HTT: variants seen among roughly 807,000 people sequenced by gnomAD.
HTT encodes the protein huntington disease protein.
A neutral mutation model predicts 362.3 loss-of-function variants in HTT; 104 were observed. The observed-to-expected ratio is 0.29, with a 90% CI of 0.24 to 0.34. HTT has a LOEUF of 0.34. Ranked by LOEUF, HTT falls within the 10% of genes least tolerant of loss-of-function variation. HTT has a pLI of 1.00. For synonymous variants in HTT, 1,577 were observed against 1,548.7 expected, an observed-to-expected ratio of 1.02 and a Z score of -0.43; for missense variants, 3,301 against 3,928.6, an observed-to-expected ratio of 0.84 and a Z score of 4.27.
intron 41 of HTT, among the ~76,000 whole-genome samples, chr4:3,201,700 C>T (rs1255685254): frequency 6.6e-6 from 1 of 152,020 alleles, no homozygotes; most frequent in Admixed American, 6.6e-5. Flanking sequence ...AAATAAATCC[C>T]CATAAGTGTC....
rs761776008 is a variant in HTT at position 3,131,669 on chromosome 4, C to T, written c.2130C>T (p.Ser710=). The T allele has an allele frequency of 1.7e-5, 27 of 1,613,736 alleles. No individual in the cohort carries two copies. In the Admixed American group the frequency reaches 2.8e-4, roughly 17 times the overall value. The change falls in exon 16 of 67, where the codon AGC becomes AGT. Residue 710 remains serine (S), a synonymous_variant. Transcript: ENST00000355072. ...VLVPDRDVRV[S]VKALALSCVG... is the part of the protein sequence containing the mutation. ...TTCCGGACAGGGATGTGAGGGTCAG[C>T]GTGAAGGCCCTGGCCCTCAGCTGTG...
intron 35 of HTT, among the ~76,000 whole-genome samples, chr4:3,180,083 T>G (rs554128868): frequency 4.9e-4 from 75 of 152,154 alleles, no homozygotes; most frequent in Non-Finnish European, 1.0e-3. Context: ...TGAGTTTACT[T>G]AAAAAAGCAT....
chr4:3,173,421 A>G (rs1363806822), intron 31 of HTT, among the ~76,000 whole-genome samples: 10 of 152,164 alleles, frequency 6.6e-5, no homozygotes, highest in Admixed American at 5.2e-4. Flanking sequence ...GCCAGCTCTC[A>G]TTGCCAAAGT....
chr4:3,120,606 A>G (rs1252223719), intron 8 of HTT, among the ~76,000 whole-genome samples: 1 of 152,202 alleles, frequency 6.6e-6, no homozygotes, highest in Non-Finnish European at 1.5e-5. Context: ...AGATTCCCAT[A>G]GGAGTGCAAA....
intron 3 of HTT, among the ~76,000 whole-genome samples, chr4:3,102,082 T>C (rs1445689373): frequency 6.6e-6 from 1 of 151,410 alleles, no homozygotes; most frequent in Non-Finnish European, 1.5e-5. Flanking sequence ...GTCAGGGGAG[T>C]GTATCATTTA....
intron 47 of HTT, among the ~76,000 whole-genome samples, chr4:3,211,029 A>G (rs1481433111): frequency 6.6e-6 from 1 of 150,980 alleles, no homozygotes. Context: ...CAGCCTCCCA[A>G]ATAGCTGGTA....
Position 3,074,878 on chromosome 4 carries a change from A to AGCAGCAGCC in HTT, c.61_62insCGCAGCAGC (p.Gln20_Gln21insProGlnGln). The AGCAGCAGCC allele has an allele frequency of 3.4e-6, 1 of 292,624 alleles. No homozygotes were observed. Among genetic ancestry groups the AGCAGCAGCC allele is most frequent in the Non-Finnish European group, 4.5e-6 (1 of 224,098 alleles). The allele number at this position is 292,624 out of a possible 1,614,324, so 18.1% of individuals were successfully genotyped here. A position where few individuals can be genotyped will look rare whatever the true frequency, so the allele number is the denominator to read the frequency against. ...GCCTTCGAGTCCCTCAAGTCCTTCC[A>AGCAGCAGCC]GCAGCAGCAGCAGCAGCAGCAGCAG... On this transcript the variant is annotated inframe_insertion, in exon 1 of 67. Transcript: ENST00000355072.
At chr4:3,189,142 C>T in intron 40 of HTT, 49 bp downstream of exon 40, 4 of 1,579,776 alleles carry the variant, frequency 2.5e-6, no homozygotes, top group East Asian at 2.2e-5. Flanking sequence ...CCCCATTCTG[C>T]ACTATACACT....
intron 63 of HTT, among the ~76,000 whole-genome samples, 182 bp downstream of exon 63, chr4:3,235,960 A>C (rs1312636086): frequency 6.6e-6 from 1 of 152,192 alleles, no homozygotes. Flanking sequence ...GTACCTGGTC[A>C]GGGTTGACCG....
intron 39 of HTT, chr4:3,188,614 C>G: frequency 5.0e-6 from 1 of 200,728 alleles, no homozygotes; most frequent in Admixed American, 5.8e-5. Flanking sequence ...AGCAGGCAGC[C>G]CATGGCTTTC....
chr4:3,187,441 C>T (rs964781376), intron 38 of HTT, among the ~76,000 whole-genome samples: 1 of 152,188 alleles, frequency 6.6e-6, no homozygotes, highest in African/African-American at 2.4e-5. Context: ...AGGTGGCTCT[C>T]GCACCAAGCC....
Position 3,148,006 on chromosome 4 carries a change from C to T in HTT, c.3297C>T (p.Ala1099=), listed in dbSNP as rs748617301. Residue 1099 remains alanine, a splice_region_variant and synonymous_variant, in exon 26 of 67, where the codon GCC becomes GCT. Transcript: ENST00000355072. ...GTAATGTCTGTGCCCATATCACAGC[C>T]AGTGCTCCCAAATCTCTGAGAAGTT... The part of the protein sequence containing the change: ...ALILAGNLLA[A]SAPKSLRSSW... 5.6e-6 allele frequency: 9 copies of T among 1,610,878 alleles called. No homozygotes were observed. The East Asian group carries it at 1.8e-4, about 32-fold the overall frequency.
intron 21 of HTT, among the ~76,000 whole-genome samples, chr4:3,137,172 C>G (rs1361215129): frequency 3.3e-5 from 5 of 151,966 alleles, no homozygotes; most frequent in Non-Finnish European, 7.4e-5. Context: ...TCCCAAAGTG[C>G]TGGGATTACA....
chr4:3,135,134 A>G (rs1004192998), intron 19 of HTT, among the ~76,000 whole-genome samples: 2 of 152,060 alleles, frequency 1.3e-5, no homozygotes, highest in Non-Finnish European at 2.9e-5. Flanking sequence ...TCTTTGTCTT[A>G]AACTTTTAAA....
chr4:3,205,690 A>AAT lies in HTT; in HGVS notation c.5719-805_5719-804insTA. On this transcript the variant is annotated intron_variant, in intron 42 of 66. Coordinates refer to ENST00000355072, the MANE Select transcript of HTT (RefSeq NM_001388492.1). Reference sequence around the variant, plus strand: ...TCAGATTTTCGGATTTAGGGAGCTCAACAAATAAGTATAATGCACATATTT... The same window carrying AAT: ...TCAGATTTTCGGATTTAGGGAGCTCAATACAAATAAGTATAATGCACATATTT... Among the ~76,000 whole-genome samples the AAT allele has an allele frequency of 3.3e-5, 5 of 152,332 alleles. 1 individual carries two copies. The East Asian group carries it at 9.6e-4, about 29-fold the overall frequency.
intron 26 of HTT, among the ~76,000 whole-genome samples, chr4:3,153,933 G>A (rs1221266588): frequency 6.6e-6 from 1 of 152,060 alleles, no homozygotes; most frequent in African/African-American, 2.4e-5. Flanking sequence ...AAAAAAAAAT[G>A]CTGCTTTGTA....
chr4:3,176,021 G>GT (rs1560580460), intron 33 of HTT, among the ~76,000 whole-genome samples: 5 of 132,832 alleles, frequency 3.8e-5, no homozygotes, highest in African/African-American at 1.7e-4. Flanking sequence ...TGTTGTTGTT[G>GT]TTTGTTTTTT....
intron 25 of HTT, 109 bp downstream of exon 25, chr4:3,147,057 G>A: frequency 1.9e-6 from 2 of 1,051,694 alleles, no homozygotes; most frequent in Non-Finnish European, 2.9e-6. Flanking sequence ...GTCATTGCCA[G>A]TGATGGCTTG....
chr4:3,239,909 G>T lies in HTT; in HGVS notation c.9279G>T (p.Leu3093=), dbSNP rs1721726113. ...LEQVDVNLFC[L]VATDFYRHQI... ...AGGTGGACGTGAACCTTTTCTGCCT[G>T]GTCGCCACAGACTTCTACAGACACC... The change falls in exon 67 of 67, where the codon CTG becomes CTT. Residue 3093 remains leucine, a synonymous_variant. Transcript: ENST00000355072. The T allele has an allele frequency of 6.3e-7, 1 of 1,574,846 alleles. No homozygotes were observed. Among genetic ancestry groups the T allele is most frequent in the East Asian group, 2.3e-5 (1 of 43,466 alleles).
Sources: gnomAD v4.1 joint callset for allele counts (sites outside exome capture counted in the v4.1 genomes callset) on GRCh38, gnomAD v4.1.1 for gene constraint, MANE v1.5 for transcripts, NCBI Gene and HGNC (gene_info 2026-07-23, HGNC 2026-07-21) for gene names.